CARS2: variants seen among roughly 807,000 people sequenced by gnomAD.
CARS2 encodes cysteinyl-tRNA synthetase 2, mitochondrial, also known as probable cysteine--tRNA ligase, mitochondrial.
CARS2 carries 52 observed loss-of-function variants against 68.8 expected under a neutral mutation model. The ratio of observed to expected loss-of-function variants is 0.76; its 90% confidence interval spans 0.61 to 0.95. The LOEUF (loss-of-function observed/expected upper bound fraction) is 0.95. CARS2 is among the 40% of genes least tolerant of loss of function. CARS2 has a pLI of 0.00. For missense variants in CARS2, 780 were observed against 754.2 expected (o/e 1.03, Z -0.40); for synonymous variants, 314 against 303.6 (o/e 1.03, Z -0.36).
intron 8 of CARS2, chr13:110,666,417 C>A: frequency 1.0e-6 from 1 of 985,362 alleles, no homozygotes; most frequent in Non-Finnish European, 1.2e-6. Context: ...CATTTTTAGA[C>A]AAAAACTGGG....
rs776120090 is a variant in CARS2, at chr13:110,641,453, G to A, written c.*84C>T. 2.5e-5 allele frequency: 28 copies of A among 1,141,658 alleles called. No individual in the cohort carries two copies. Among genetic ancestry groups the A allele is most frequent in the Admixed American group, 1.5e-4 (9 of 59,212 alleles). 70.7% of individuals were successfully genotyped at this position (1,141,658 alleles called of 1,614,324 possible). The stretch of plus-strand genomic sequence containing the variant: ...ACTTTAATGCTGACCTAGCAGCCCC[G>A]ACAGGAAGCTTTAACATAAAGCCTT... On this transcript the variant is annotated 3_prime_UTR_variant, in exon 15 of 15. Transcript: ENST00000257347.
intron 8 of CARS2, 122 bp from the exon 9 acceptor site, chr13:110,663,640 T>C (rs2062570138): frequency 6.9e-7 from 1 of 1,454,632 alleles, no homozygotes; most frequent in East Asian, 2.5e-5. Context: ...GACCAGTGTA[T>C]GTTGGTATAA....
chr13:110,692,071 C>CACAT (rs973407165), intron 3 of CARS2, among the ~76,000 whole-genome samples: 2 of 144,092 alleles, frequency 1.4e-5, no homozygotes, highest in African/African-American at 5.1e-5. Flanking sequence ...TATATATACA[C>CACAT]ACATACATAT....
At chr13:110,669,646 G>A (rs948866245) in intron 7 of CARS2, among the ~76,000 whole-genome samples, 6 of 152,170 alleles carry the variant, frequency 3.9e-5, no homozygotes, top group Non-Finnish European at 7.4e-5. Flanking sequence ...CCCAGCATGA[G>A]CGACGCAGAA....
rs1465936043 is a variant in CARS2 at position 110,676,790 on chromosome 13, T to C, written c.785+184A>G. ...AAGTGCTGAGGTCAGGAAAGCTTGA[T>C]GTGTCATGGGTTTCGTTCACCCCGT... On this transcript the variant is annotated intron_variant, in intron 7 of 14. Coordinates refer to ENST00000257347, the MANE Select transcript of CARS2 (RefSeq NM_024537.4). This position sits in a 1 kb window ranked among gnomAD's most constrained non-coding sequence, Gnocchi z 4.0. Among the ~76,000 whole-genome samples the C allele has an allele frequency of 6.6e-6, 1 of 152,136 alleles. No homozygotes were observed. The highest frequency in any genetic ancestry group is 1.5e-5 in the Non-Finnish European group (1 of 68,014).
chr13:110,667,158 A>G (rs1203606657), intron 8 of CARS2, among the ~76,000 whole-genome samples, 182 bp downstream of exon 8: 2 of 152,222 alleles, frequency 1.3e-5, no homozygotes, highest in Non-Finnish European at 2.9e-5. Flanking sequence ...AGGTATAATC[A>G]TTGCTGCAAT....
upstream of CARS2, among the ~76,000 whole-genome samples, chr13:110,709,143 G>C (rs1477252855): frequency 6.6e-6 from 1 of 150,524 alleles, no homozygotes; most frequent in African/African-American, 2.4e-5. Flanking sequence ...GCAATGGCGT[G>C]ATCTCCTGGG....
In CARS2 at chr13:110,665,160, T is replaced by C. The variant is rs1465911254; in HGVS notation, c.920-1642A>G. On this transcript the variant is annotated intron_variant, in intron 8 of 14. Coordinates refer to ENST00000257347, the MANE Select transcript of CARS2 (RefSeq NM_024537.4). This position sits in a 1 kb window ranked among gnomAD's most constrained non-coding sequence, Gnocchi z 4.3. ...AATCACTGAAAAATAGCCACAAAAC[T>C]TTCCCACCACGTGCAGTGGCTCACG... is the stretch of plus-strand genomic sequence containing the variant. 1 of 985,242 alleles carries C rather than the reference T, an allele frequency of 1.0e-6. No individual in the cohort carries two copies. The highest frequency in any genetic ancestry group is 1.2e-6 in the Non-Finnish European group (1 of 829,910). The allele number at this position is 985,242 out of a possible 1,614,324, so 61.0% of individuals were successfully genotyped here. A position where few individuals can be genotyped will look rare whatever the true frequency, so the allele number is the denominator to read the frequency against.
rs771605120 is a variant in CARS2 at position 110,712,940 on chromosome 13, C to G, written n.399+197G>C. 1.2e-5 allele frequency: 19 copies of G among 1,558,806 alleles called. No homozygotes were observed. The Admixed American group carries it at 3.6e-4, about 29-fold the overall frequency. On this transcript the variant is annotated intron_variant and non_coding_transcript_variant, in intron 1 of 2. Coordinates refer to the CARS2 transcript ENST00000485188. The stretch of plus-strand genomic sequence containing the variant: ...ACGGATGGCGCAGGCGCGGGAGCCG[C>G]CTAGGCTGCTGGGAGTGGTGGTCCG...
chr13:110,708,881 G>A (rs2064004159), upstream of CARS2, among the ~76,000 whole-genome samples: 1 of 151,740 alleles, frequency 6.6e-6, no homozygotes, highest in African/African-American at 2.4e-5. Flanking sequence ...AGCCTCCCGA[G>A]TAGCTGGGAT....
intron 3 of CARS2, among the ~76,000 whole-genome samples, chr13:110,691,954 T>C (rs1178934957): frequency 7.2e-6 from 1 of 138,574 alleles, no homozygotes; most frequent in Non-Finnish European, 1.5e-5. Flanking sequence ...ATGCAATCTA[T>C]TGTAGGTCAA....
chr13:110,693,035 G>A (rs1274175495), intron 3 of CARS2, among the ~76,000 whole-genome samples: 10 of 150,200 alleles, frequency 6.7e-5, no homozygotes, highest in East Asian at 2.0e-4. Context: ...GCTTGAACTC[G>A]GGAGGCGGAG....
intron 12 of CARS2, chr13:110,645,610 G>T: frequency 5.2e-6 from 1 of 194,136 alleles, no homozygotes. Flanking sequence ...AGTGCCTTGG[G>T]GTAAATGGGT....
chr13:110,675,915 G>A (rs906697753), intron 7 of CARS2, among the ~76,000 whole-genome samples: 3 of 152,192 alleles, frequency 2.0e-5, no homozygotes, highest in African/African-American at 7.2e-5. Flanking sequence ...CAGCACTTTG[G>A]GAGGCCAAGG....
intron 13 of CARS2, chr13:110,643,811 T>A (rs569457002): frequency 6.8e-4 from 141 of 207,416 alleles, no homozygotes; most frequent in Non-Finnish European, 1.3e-3. Context: ...GTGAGCCTGA[T>A]AAGGAAGAGG....
intron 8 of CARS2, chr13:110,666,643 T>C (rs2062657337): frequency 5.1e-6 from 5 of 985,308 alleles, no homozygotes; most frequent in Non-Finnish European, 6.0e-6. Flanking sequence ...TACTGTGACA[T>C]CCTAATTTCC....
At chr13:110,708,810 GTGGCACGATCT>G (rs2139955137), upstream of CARS2, among the ~76,000 whole-genome samples, 2 of 86,988 alleles carry the variant, frequency 2.3e-5, no homozygotes, top group East Asian at 9.6e-4. Context: ...CTGGAGTGCA[GTGGCACGATCT>G]CGGCTCACTG....
At chr13:110,672,984 T>A (rs2062841579) in intron 7 of CARS2, among the ~76,000 whole-genome samples, 1 of 152,368 alleles carries the variant, frequency 6.6e-6, no homozygotes, top group African/African-American at 2.4e-5. Flanking sequence ...GATAAATTCC[T>A]GGACACATAC....
At chr13:110,677,948 G>C (rs74125033) in intron 6 of CARS2, 1 of 152,532 alleles carries the variant, frequency 6.6e-6, no homozygotes, top group Non-Finnish European at 1.5e-5. Context: ...GGCCACCCCG[G>C]TGGAAGCCCC....
Sources: allele counts gnomAD v4.1 joint callset (sites outside exome capture counted in the v4.1 genomes callset), GRCh38; gene constraint gnomAD v4.1.1; non-coding constraint Gnocchi (gnomAD v3.1); transcripts MANE v1.5; gene names NCBI Gene and HGNC (gene_info 2026-07-23, HGNC 2026-07-21).